WNK2: variants seen among roughly 807,000 people sequenced by gnomAD.
WNK2 encodes WNK lysine deficient protein kinase 2.
A neutral mutation model predicts 192.1 loss-of-function variants in WNK2; 67 were observed. The observed-to-expected ratio is 0.35, with a 90% CI of 0.29 to 0.43. WNK2 has a LOEUF of 0.43. Among genes scored for constraint, WNK2 ranks in the 20% least tolerant of loss-of-function variants. The pLI is 1.00. For missense variants in WNK2, 2,698 were observed against 3,089.7 expected (o/e 0.87, Z 3.01); for synonymous variants, 1,439 against 1,393.9 (o/e 1.03, Z -0.72).
rs754654379 is a variant in WNK2 at position 93,319,074 on chromosome 9, C to T, written c.6629-1293C>T. 3 of 1,612,784 alleles carry T rather than the reference C, an allele frequency of 1.9e-6. No individual in the cohort carries two copies. In the African/African-American group the frequency reaches 4.0e-5, roughly 22 times the overall value. ...TGTACTGGGCCCCCTTGCCCTGTTCCTTGAGTGAAGTGGGGGCTGCCCTCA... is the reference window on the plus strand; with the variant it reads ...TGTACTGGGCCCCCTTGCCCTGTTCTTTGAGTGAAGTGGGGGCTGCCCTCA... On this transcript the variant is annotated intron_variant, in intron 29 of 29. Transcript: ENST00000427277.
intron 2 of WNK2, among the ~76,000 whole-genome samples, chr9:93,190,965 G>C (rs1830233483): frequency 2.0e-5 from 3 of 152,240 alleles, no homozygotes; most frequent in Admixed American, 2.0e-4. Flanking sequence ...GGGAGACAAA[G>C]GGGCCGGGAC....
At chr9:93,306,299 G>A (rs1454045194) in intron 26 of WNK2, among the ~76,000 whole-genome samples, 1 of 152,134 alleles carries the variant, frequency 6.6e-6, no homozygotes, top group African/African-American at 2.4e-5. Context: ...GCAAAACAAT[G>A]TATCTTTTTG....
At chr9:93,277,077 A>G (rs1331897746) in intron 19 of WNK2, among the ~76,000 whole-genome samples, 2 of 152,182 alleles carry the variant, frequency 1.3e-5, no homozygotes, top group African/African-American at 4.8e-5. Context: ...AGATGAGCAG[A>G]TACTTCACCA....
At chr9:93,199,330 C>T (rs1234197581) in intron 2 of WNK2, among the ~76,000 whole-genome samples, 2 of 152,168 alleles carry the variant, frequency 1.3e-5, no homozygotes, top group African/African-American at 2.4e-5. Context: ...GGGCTCTGGA[C>T]CTGGTGACCT....
chr9:93,202,325 CGTGTGT>C (rs761769543), intron 2 of WNK2, among the ~76,000 whole-genome samples: 2,707 of 130,624 alleles, frequency 0.021, 27 homozygotes, highest in Non-Finnish European at 0.024. Flanking sequence ...TCCGTGTGCA[CGTGTGT>C]GTGTGTGTGT....
intron 19 of WNK2, among the ~76,000 whole-genome samples, chr9:93,274,515 C>CAAAAAAAAAAAAAAAAAA (rs67350876): frequency 7.6e-5 from 9 of 118,394 alleles, no homozygotes; most frequent in Non-Finnish European, 1.1e-4. Flanking sequence ...CCGTCTCAAC[C>CAAAAAAAAAAAAAAAAAA]AAAAAAAAAA....
chr9:93,266,813 A>G (rs1845240889), intron 16 of WNK2, among the ~76,000 whole-genome samples: 1 of 151,762 alleles, frequency 6.6e-6, no homozygotes, highest in African/African-American at 2.4e-5. Flanking sequence ...CCTAGAAGGG[A>G]TCTGAGACCA....
At chr9:93,317,940 CT>C in intron 29 of WNK2, 2 of 1,610,074 alleles carry the variant, frequency 1.2e-6, no homozygotes, top group Non-Finnish European at 1.7e-6. Flanking sequence ...CCACCGCCTG[CT>C]GTGGGCACAG....
intron 2 of WNK2, among the ~76,000 whole-genome samples, chr9:93,211,307 C>G (rs1271871819): frequency 6.6e-6 from 1 of 151,970 alleles, no homozygotes; most frequent in Admixed American, 6.5e-5. Flanking sequence ...GTCACTCATT[C>G]ACTCACTCAT....
At chr9:93,256,662 C>T (rs1016477452) in intron 10 of WNK2, 19 of 684,914 alleles carry the variant, frequency 2.8e-5, no homozygotes, top group Middle Eastern at 4.1e-4. Context: ...TGTTTGTGTG[C>T]GTGCATAGTG....
rs1842007690 is a variant in WNK2, at chr9:93,247,914, G to T, written c.1834+80G>T. ...AACCAGCTATTGGGCAAAGAAAAAT[G>T]AAGTCCTCTCCCTTTATTGGAATGC... On this transcript the variant is annotated intron_variant, in intron 8 of 29. Transcript: ENST00000427277. The surrounding 1 kb of genome is among the most constrained non-coding windows in gnomAD (Gnocchi z 5.2). 7.0e-7 allele frequency: 1 copy of T among 1,429,304 alleles called. No individual in the cohort carries two copies. The highest frequency in any genetic ancestry group is 1.4e-5 in the African/African-American group (1 of 70,264). 88.5% of individuals were successfully genotyped at this position (1,429,304 alleles called of 1,614,324 possible).
At chr9:93,297,312 C>T (rs531098864) in intron 23 of WNK2, among the ~76,000 whole-genome samples, 19 of 152,286 alleles carry the variant, frequency 1.2e-4, no homozygotes, top group Middle Eastern at 6.8e-3. Context: ...ATTTCACCTG[C>T]GGGGTGATGT....
rs1470047769 is a variant in WNK2, at chr9:93,256,382, C to T, written c.2118C>T (p.Phe706=). The T allele has an allele frequency of 3.8e-6, 6 of 1,565,066 alleles. No homozygotes were observed. Among genetic ancestry groups the T allele is most frequent in the East Asian group, 2.4e-5 (1 of 42,524 alleles). The change falls in exon 10 of 30, where the codon TTC becomes TTT. Residue 706 remains phenylalanine, a synonymous_variant. Coordinates refer to ENST00000427277, the MANE Select transcript of WNK2 (RefSeq NM_006648.4). ...ACTTCCCGGATCCGGCCATGAGCTT[C>T]GCCCCCGTGCTGCCGCCGCCCAGCA... ...QQHFPDPAMS[F]APVLPPPSTP... is the part of the protein sequence containing the mutation.
chr9:93,246,653 C>T (rs1841755267), intron 7 of WNK2, among the ~76,000 whole-genome samples: 1 of 152,228 alleles, frequency 6.6e-6, no homozygotes. Context: ...CTGTCACCAC[C>T]TCCCCTCCCC....
At chr9:93,278,744 C>T (rs1323048521) in intron 19 of WNK2, among the ~76,000 whole-genome samples, 3 of 152,296 alleles carry the variant, frequency 2.0e-5, no homozygotes, top group African/African-American at 7.2e-5. Flanking sequence ...ACCTTCTAAA[C>T]CAAACCATAA....
At chr9:93,252,199 C>T (rs558037591) in intron 8 of WNK2, among the ~76,000 whole-genome samples, 2 of 152,268 alleles carry the variant, frequency 1.3e-5, no homozygotes, top group South Asian at 2.1e-4. Flanking sequence ...ATGAGAAGCC[C>T]GTGGGCTCTG....
chr9:93,242,605 A>T (rs562478418), intron 7 of WNK2, among the ~76,000 whole-genome samples: 15 of 152,362 alleles, frequency 9.8e-5, no homozygotes, highest in African/African-American at 3.6e-4. Flanking sequence ...GGCTATGTAC[A>T]GCGTGTAAGC....
At position 93,213,624 on chromosome 9, in the gene WNK2, G is replaced by A. The variant is rs1036774907; in HGVS notation, c.682-16072G>A. ...AACCAACATGGAGAAACCCTGTCTC[G>A]ACTAAAAATACAAAATTAGCCGGGC... On this transcript the variant is annotated intron_variant, in intron 2 of 29. Coordinates refer to ENST00000427277, the MANE Select transcript of WNK2 (RefSeq NM_006648.4). 2.0e-5 allele frequency among the ~76,000 whole-genome samples: 3 copies of A among 152,000 alleles called. No individual in the cohort carries two copies. In the East Asian group the frequency reaches 5.8e-4, roughly 29 times the overall value.
In WNK2 at chr9:93,263,929, G is replaced by A. The variant is rs993116944; in HGVS notation, c.3592G>A (p.Gly1198Arg). ...RLTILNVCNT[G>R]DKMVECQLET... ...CTGCCCCTTCCAGGTGTGCAACACT[G>A]GGGACAAGATGGTGGAGTGCCAGCT... Residue 1198 changes from glycine to arginine, a missense_variant, in exon 16 of 30, where the codon GGG becomes AGG. By Grantham distance (125) the Gly-to-Arg change is moderately radical. Transcript: ENST00000427277. 2.5e-6 allele frequency: 4 copies of A among 1,612,790 alleles called. No homozygotes were observed. Among genetic ancestry groups the A allele is most frequent in the Non-Finnish European group, 1.7e-6 (2 of 1,179,646 alleles).
Sources: gnomAD v4.1 joint callset for allele counts (sites outside exome capture counted in the v4.1 genomes callset) on GRCh38, gnomAD v4.1.1 for gene constraint, Gnocchi (gnomAD v3.1) non-coding constraint, MANE v1.5 for transcripts, NCBI Gene and HGNC (gene_info 2026-07-23, HGNC 2026-07-21) for gene names.